Variants in ARHGEF1 observed in about 807,000 individuals in gnomAD.
The protein encoded by ARHGEF1 is 115 kDa guanine nucleotide exchange factor.
Under a neutral mutation model 119.7 loss-of-function variants are expected in ARHGEF1, and 40 were observed. That is an observed-to-expected ratio of 0.33 (90% CI 0.26 to 0.44). The LOEUF (loss-of-function observed/expected upper bound fraction) is 0.44. ARHGEF1 is among the 20% of genes least tolerant of loss of function. The pLI is 1.00. For missense variants in ARHGEF1, 976 were observed against 1,268.3 expected (o/e 0.77, Z 3.50); for synonymous variants, 494 against 521.0 (o/e 0.95, Z 0.71).
intron 14 of ARHGEF1, among the ~76,000 whole-genome samples, chr19:41,899,819 G>A (rs1222544011): frequency 6.6e-6 from 1 of 151,892 alleles, no homozygotes; most frequent in Non-Finnish European, 1.5e-5. Flanking sequence ...TTGACTGAAA[G>A]CTTATTTACA....
chr19:41,901,779 T>C (rs2039163172), intron 14 of ARHGEF1, 108 bp from the exon 15 acceptor site: 2 of 1,381,398 alleles, frequency 1.4e-6, no homozygotes, highest in African/African-American at 2.9e-5. Context: ...CACCAACTTC[T>C]AGGAAGCTTT....
intron 1 of ARHGEF1, among the ~76,000 whole-genome samples, chr19:41,925,608 G>A (rs1219748222): frequency 2.0e-5 from 3 of 152,142 alleles, no homozygotes; most frequent in Non-Finnish European, 4.4e-5. Flanking sequence ...GAGGGTACTA[G>A]TGTGTGGATT....
Position 41,895,566 on chromosome 19 carries a change from G to C in ARHGEF1, c.1015+80G>C. The C allele has an allele frequency of 6.2e-6, 9 of 1,456,992 alleles. 1 individual carries two copies. In the South Asian group the frequency reaches 1.1e-4, roughly 17 times the overall value. 90.3% of individuals were successfully genotyped at this position (1,456,992 alleles called of 1,614,324 possible). Reference sequence around the variant, plus strand: ...GCTGCCTGCCCCCTTGGCACCCCCAGATAGAAGCCATTCCCCAGCAACACC... The same window carrying C: ...GCTGCCTGCCCCCTTGGCACCCCCACATAGAAGCCATTCCCCAGCAACACC... On this transcript the variant is annotated intron_variant, in intron 12 of 28. Transcript: ENST00000354532.
At chr19:41,887,316 A>G (rs1490008122) in intron 1 of ARHGEF1, among the ~76,000 whole-genome samples, 3 of 152,144 alleles carry the variant, frequency 2.0e-5, no homozygotes, top group South Asian at 4.1e-4. Flanking sequence ...AGGGACAGAC[A>G]GCCAAGGAGA....
At chr19:41,894,152 G>GTGTGTGTGTGTC (rs1185506350) in intron 8 of ARHGEF1, 55 bp from the exon 9 acceptor site, 1 of 1,021,658 alleles carries the variant, frequency 9.8e-7, no homozygotes, top group African/African-American at 1.7e-5. Flanking sequence ...GTGTGTGTGT[G>GTGTGTGTGTGTC]TGTGTGTGTG....
chr19:41,921,246 G>T (rs2074840574), upstream of ARHGEF1, among the ~76,000 whole-genome samples: 1 of 152,128 alleles, frequency 6.6e-6, no homozygotes, highest in African/African-American at 2.4e-5. This position sits in a 1 kb window ranked among gnomAD's most constrained non-coding sequence, Gnocchi z 4.4. Flanking sequence ...GGAACTGGAG[G>T]TTGGGGTGGG....
rs541276612 is a variant in ARHGEF1, at chr19:41,912,583, G to A, written c.1865+5780G>A. On this transcript the variant is annotated intron_variant, in intron 18 of 20. Transcript: ENST00000599589. ...TGCGTGGCAGGGATGCCCGGGCCTC[G>A]GGCCCCTCCGTCCTCACCCCTCACT... Among the ~76,000 whole-genome samples, 611 of 152,162 alleles carry A rather than the reference G, an allele frequency of 4.0e-3. 4 individuals are homozygous for A. Among genetic ancestry groups the A allele is most frequent in the African/African-American group, 0.014 (599 of 41,516 alleles).
chr19:41,915,207 C>G (rs777806526), intron 18 of ARHGEF1, among the ~76,000 whole-genome samples: 4 of 147,118 alleles, frequency 2.7e-5, no homozygotes, highest in African/African-American at 7.6e-5. Context: ...AACTCCCCGC[C>G]GCCTCCTCCG....
At chr19:41,908,879 T>C (rs1160242026), downstream of ARHGEF1, among the ~76,000 whole-genome samples, 1 of 145,694 alleles carries the variant, frequency 6.9e-6, no homozygotes, top group African/African-American at 2.6e-5. The surrounding 1 kb of genome is among the most constrained non-coding windows in gnomAD (Gnocchi z 6.7). Flanking sequence ...TGAAAGCCCC[T>C]GTCTCCCTCA....
At position 41,904,411 on chromosome 19, in the gene ARHGEF1, G is replaced by A. The variant is rs1555849714; in HGVS notation, c.2161+28G>A. Reference sequence around the variant, plus strand: ...GAGTGCAGCCACTGCATGGCCCAGGGCAGAGGGTGTCTTTTTTGGGCAGAG... The same window carrying A: ...GAGTGCAGCCACTGCATGGCCCAGGACAGAGGGTGTCTTTTTTGGGCAGAG... On this transcript the variant is annotated intron_variant, in intron 22 of 28. Coordinates refer to ENST00000354532, the MANE Select transcript of ARHGEF1 (RefSeq NM_004706.4). The surrounding 1 kb of genome is among the most constrained non-coding windows in gnomAD (Gnocchi z 8.4). 2.0e-6 allele frequency: 3 copies of A among 1,523,576 alleles called. No homozygotes were observed. Among genetic ancestry groups the A allele is most frequent in the South Asian group, 1.2e-5 (1 of 83,042 alleles). The allele number at this position is 1,523,576 out of a possible 1,614,324, so 94.4% of individuals were successfully genotyped here. A position where few individuals can be genotyped will look rare whatever the true frequency, so the allele number is the denominator to read the frequency against.
In ARHGEF1 at chr19:41,898,571, G is replaced by A. The variant is rs782140799; in HGVS notation, c.1251G>A (p.Arg417=). The stretch of plus-strand genomic sequence containing the variant: ...GCCTGCCCAAGAGCCAGGTGAAGCG[G>A]CAGGAGGTCATCAGCGGTGAGTACT... ...LHSLPKSQVK[R]QEVISELLVT... The change falls in exon 14 of 29, where the codon CGG becomes CGA. Residue 417 remains arginine (R), a synonymous_variant. Coordinates refer to ENST00000354532, the MANE Select transcript of ARHGEF1 (RefSeq NM_004706.4). The A allele has an allele frequency of 3.8e-6, 6 of 1,584,420 alleles. No individual in the cohort carries two copies. Among genetic ancestry groups the A allele is most frequent in the South Asian group, 1.2e-5 (1 of 86,610 alleles).
In ARHGEF1 at chr19:41,905,902, G is replaced by C; in HGVS notation, c.2405-37G>C. The C allele has an allele frequency of 6.2e-7, 1 of 1,613,592 alleles. No individual in the cohort carries two copies. Among genetic ancestry groups the C allele is most frequent in the Non-Finnish European group, 8.5e-7 (1 of 1,179,530 alleles). ...GAAGAGAGGCATCCACAGGAGGCCC[G>C]GCAGGATCTGAGCTCCCTCTCTGTT... On this transcript the variant is annotated intron_variant, in intron 25 of 28. Coordinates refer to ENST00000354532, the MANE Select transcript of ARHGEF1 (RefSeq NM_004706.4). The surrounding 1 kb of genome is among the most constrained non-coding windows in gnomAD (Gnocchi z 6.4).
At chr19:41,898,842 C>T (rs1206843516) in intron 14 of ARHGEF1, among the ~76,000 whole-genome samples, 9 of 152,240 alleles carry the variant, frequency 5.9e-5, no homozygotes, top group East Asian at 1.9e-4. Flanking sequence ...GTTGAGAACA[C>T]TGCATTTCTG....
chr19:41,887,538 G>A (rs1308225263), intron 1 of ARHGEF1, among the ~76,000 whole-genome samples: 1 of 152,096 alleles, frequency 6.6e-6, no homozygotes, highest in Non-Finnish European at 1.5e-5. Flanking sequence ...GGAGAGTTGG[G>A]GGTTGGGGGT....
At position 41,892,474 on chromosome 19, in the gene ARHGEF1, G is replaced by A; in HGVS notation, c.367+101G>A. ...CGCACTCCCATGCTCTGCTCGGACA[G>A]CCGAGATTCATTCATTCCTTCTTGG... On this transcript the variant is annotated intron_variant, in intron 6 of 28. Coordinates refer to ENST00000354532, the MANE Select transcript of ARHGEF1 (RefSeq NM_004706.4). The surrounding 1 kb of genome is among the most constrained non-coding windows in gnomAD (Gnocchi z 6.3). 6.3e-7 allele frequency: 1 copy of A among 1,593,654 alleles called. No homozygotes were observed.
At chr19:41,908,190 G>C (rs1303633203), downstream of ARHGEF1, 1 of 1,229,198 alleles carries the variant, frequency 8.1e-7, no homozygotes, top group East Asian at 3.2e-5. The surrounding 1 kb of genome is among the most constrained non-coding windows in gnomAD (Gnocchi z 6.7). Flanking sequence ...CAGCCACCCT[G>C]GTCCCTGCCT....
Position 41,907,122 on chromosome 19 carries a change from G to C in ARHGEF1, c.*35G>C. The C allele has an allele frequency of 6.5e-7, 1 of 1,528,666 alleles. No individual in the cohort carries two copies. The allele number at this position is 1,528,666 out of a possible 1,614,324, so 94.7% of individuals were successfully genotyped here. On this transcript the variant is annotated 3_prime_UTR_variant, in exon 29 of 29. Transcript: ENST00000354532. ...TCCCCCAGGCCTTTTGCAAGAAGGA[G>C]AGGAATGGGGGAGAGGACGTGAGGG... is the stretch of plus-strand genomic sequence containing the variant.
chr19:41,917,644 A>ACACG lies in ARHGEF1; in HGVS notation c.1866-5436_1866-5433dup, dbSNP rs1410721789. 2.1e-5 allele frequency among the ~76,000 whole-genome samples: 3 copies of ACACG among 142,724 alleles called. No homozygotes were observed. The highest frequency in any genetic ancestry group is 4.8e-5 in the Non-Finnish European group (3 of 62,038). 93.6% of individuals were successfully genotyped at this position (142,724 alleles called of 152,430 possible). On this transcript the variant is annotated intron_variant, in intron 18 of 20. Coordinates refer to the ARHGEF1 transcript ENST00000599589. The surrounding 1 kb of genome is among the most constrained non-coding windows in gnomAD (Gnocchi z 4.8). ...GCATGCACACACCATGCCCCAAAGC[A>ACACG]CACGCACGCACGCACACACACACCC...
downstream of ARHGEF1, chr19:41,909,619 A>C (rs549762024): frequency 2.4e-5 from 20 of 840,820 alleles, no homozygotes; most frequent in East Asian, 5.3e-4. This position sits in a 1 kb window ranked among gnomAD's most constrained non-coding sequence, Gnocchi z 5.2. Flanking sequence ...CTTAATAGGG[A>C]TCACAGGGCA....
Sources: allele counts gnomAD v4.1 joint callset (sites outside exome capture counted in the v4.1 genomes callset), GRCh38; gene constraint gnomAD v4.1.1; non-coding constraint Gnocchi (gnomAD v3.1); transcripts MANE v1.5; gene names NCBI Gene and HGNC (gene_info 2026-07-23, HGNC 2026-07-21).